The following FRMD5 variants were observed in gnomAD, a reference collection of about 807,000 sequenced individuals.
The protein encoded by FRMD5 is FERM domain-containing protein 5.
A neutral mutation model predicts 69.0 loss-of-function variants in FRMD5; 20 were observed. The observed-to-expected ratio is 0.29, with a 90% CI of 0.20 to 0.42. The LOEUF (loss-of-function observed/expected upper bound fraction) is 0.42, where lower values mean the gene tolerates loss of function less well. Ranked by LOEUF, FRMD5 falls within the 10% of genes least tolerant of loss-of-function variation. The pLI is 1.00. For synonymous variants in FRMD5, 271 were observed against 260.1 expected (o/e 1.04, Z -0.40); for missense variants, 595 against 708.6 (o/e 0.84, Z 1.82).
chr15:43,956,275 T>G (rs2090114281), intron 1 of FRMD5, among the ~76,000 whole-genome samples: 1 of 152,194 alleles, frequency 6.6e-6, no homozygotes, highest in African/African-American at 2.4e-5. Context: ...TGGAATTATG[T>G]TTCTATTTTT....
At chr15:43,961,792 A>G (rs1771976399) in intron 1 of FRMD5, among the ~76,000 whole-genome samples, 1 of 152,232 alleles carries the variant, frequency 6.6e-6, no homozygotes, top group South Asian at 2.1e-4. Context: ...AAACAGAACC[A>G]AAGACAAAAA....
chr15:44,166,060 T>C (rs2077703856), intron 1 of FRMD5, among the ~76,000 whole-genome samples: 1 of 152,212 alleles, frequency 6.6e-6, no homozygotes, highest in East Asian at 1.9e-4. Context: ...TAATAAAGAC[T>C]GTACTGACTT....
chr15:43,934,056 T>C (rs1366814065), intron 1 of FRMD5, among the ~76,000 whole-genome samples: 2 of 152,136 alleles, frequency 1.3e-5, no homozygotes, highest in African/African-American at 2.4e-5. Context: ...ACATCTACGC[T>C]CCTTGAGGCT....
intron 1 of FRMD5, among the ~76,000 whole-genome samples, chr15:43,966,845 G>A (rs1305827583): frequency 6.6e-6 from 1 of 152,176 alleles, no homozygotes; most frequent in Non-Finnish European, 1.5e-5. Flanking sequence ...TCTGAGCAAG[G>A]GAGTCACATG....
chr15:44,105,938 T>C (rs1435928089), intron 1 of FRMD5, among the ~76,000 whole-genome samples: 1 of 152,116 alleles, frequency 6.6e-6, no homozygotes, highest in Admixed American at 6.5e-5. Context: ...TAAAATAGAG[T>C]AGTATTTGCA....
chr15:44,149,107 G>T (rs915435826), intron 1 of FRMD5, among the ~76,000 whole-genome samples: 3 of 152,092 alleles, frequency 2.0e-5, no homozygotes, highest in African/African-American at 7.2e-5. Flanking sequence ...GTATAAGGAT[G>T]TAATTTTGTT....
At chr15:44,063,669 T>C (rs752983924) in intron 1 of FRMD5, 3 of 414,206 alleles carry the variant, frequency 7.2e-6, no homozygotes, top group East Asian at 1.4e-4. Context: ...ATTCCACCCA[T>C]AGCAAGTTCC....
At chr15:43,931,339 T>G (rs1034485319) in intron 1 of FRMD5, among the ~76,000 whole-genome samples, 2 of 152,208 alleles carry the variant, frequency 1.3e-5, no homozygotes, top group African/African-American at 4.8e-5. Flanking sequence ...CTCATTGCTT[T>G]GTATTTGTGA....
At chr15:44,007,971 T>TAGC (rs1263507148) in intron 1 of FRMD5, among the ~76,000 whole-genome samples, 1 of 152,126 alleles carries the variant, frequency 6.6e-6, no homozygotes, top group Non-Finnish European at 1.5e-5. Flanking sequence ...AGATGGGGTC[T>TAGC]TGCTCTGTTG....
intron 1 of FRMD5, among the ~76,000 whole-genome samples, chr15:44,106,871 G>A (rs1279525628): frequency 6.6e-6 from 1 of 152,132 alleles, no homozygotes; most frequent in Non-Finnish European, 1.5e-5. Flanking sequence ...TTTGGTCTCA[G>A]GACCCCTTTA....
At chr15:43,928,289 C>T (rs2089619693) in intron 1 of FRMD5, among the ~76,000 whole-genome samples, 1 of 152,140 alleles carries the variant, frequency 6.6e-6, no homozygotes, top group Non-Finnish European at 1.5e-5. Flanking sequence ...TGCTCTTTCT[C>T]CAAGGCTGGG....
At chr15:44,021,424 T>C (rs2140252181) in intron 1 of FRMD5, among the ~76,000 whole-genome samples, 1 of 152,256 alleles carries the variant, frequency 6.6e-6, no homozygotes, top group Admixed American at 6.5e-5. Context: ...TTAATATATA[T>C]AACATATAAG....
chr15:44,048,664 C>T (rs1238323195), intron 1 of FRMD5, among the ~76,000 whole-genome samples: 1 of 151,936 alleles, frequency 6.6e-6, no homozygotes. Context: ...CCTCCGTCTC[C>T]CAGGTTCAAG....
At chr15:44,149,786 G>C (rs930108854) in intron 1 of FRMD5, among the ~76,000 whole-genome samples, 1 of 152,080 alleles carries the variant, frequency 6.6e-6, no homozygotes, top group African/African-American at 2.4e-5. Context: ...GGTAGAGACA[G>C]TTCTCATTCT....
chr15:44,044,313 A>G (rs1892335870), intron 1 of FRMD5, among the ~76,000 whole-genome samples: 1 of 152,292 alleles, frequency 6.6e-6, no homozygotes, highest in Middle Eastern at 3.4e-3. Flanking sequence ...ACACTTTTAC[A>G]CTGTTGGTGG....
chr15:43,895,766 G>A (rs1432702852), intron 7 of FRMD5, among the ~76,000 whole-genome samples: 1 of 152,164 alleles, frequency 6.6e-6, no homozygotes, highest in Non-Finnish European at 1.5e-5. Flanking sequence ...TGGCACATGA[G>A]GCTCAGCAAT....
chr15:44,086,354 T>C (rs1446787953), intron 1 of FRMD5, among the ~76,000 whole-genome samples: 1 of 152,216 alleles, frequency 6.6e-6, no homozygotes, highest in Non-Finnish European at 1.5e-5. Context: ...TGTGGTATAT[T>C]CATGCAATGA....
At chr15:43,898,987 G>A (rs539135211) in intron 7 of FRMD5, among the ~76,000 whole-genome samples, 1 of 152,244 alleles carries the variant, frequency 6.6e-6, no homozygotes, top group Admixed American at 6.5e-5. Flanking sequence ...TCAGTCCAGG[G>A]GACAGAGCCT....
At chr15:43,920,815 T>G (rs1459628351) in intron 2 of FRMD5, among the ~76,000 whole-genome samples, 1 of 152,196 alleles carries the variant, frequency 6.6e-6, no homozygotes, top group Non-Finnish European at 1.5e-5. Context: ...CTTCCTTCTT[T>G]TCTGGCTACT....
Sources: allele counts gnomAD v4.1 joint callset (sites outside exome capture counted in the v4.1 genomes callset), GRCh38; gene constraint gnomAD v4.1.1; transcripts MANE v1.5; gene names NCBI Gene and HGNC (gene_info 2026-07-23, HGNC 2026-07-21).